The following MKLN1 variants were observed in gnomAD, a reference collection of about 807,000 sequenced individuals.
The protein encoded by MKLN1 is muskelin.
MKLN1 carries 18 observed loss-of-function variants against 99.0 expected under a neutral mutation model. That is an observed-to-expected ratio of 0.18 (90% CI 0.13 to 0.27). MKLN1 has a LOEUF of 0.27. Ranked by LOEUF, MKLN1 falls within the 10% of genes least tolerant of loss-of-function variation. MKLN1 has a pLI of 1.00. For synonymous variants in MKLN1, 288 were observed against 293.2 expected (o/e 0.98, Z 0.18); for missense variants, 621 against 875.9 (o/e 0.71, Z 3.67).
chr7:131,461,279 AT>A (rs1484216272), intron 12 of MKLN1, among the ~76,000 whole-genome samples: 2 of 151,296 alleles, frequency 1.3e-5, no homozygotes, highest in Non-Finnish European at 2.9e-5. Flanking sequence ...AATACTTTAA[AT>A]TTGTAGTGGT....
chr7:131,199,812 G>A lies in MKLN1; in HGVS notation c.-296-3045G>A, dbSNP rs533008738. Among the ~76,000 whole-genome samples, 3 of 152,232 alleles carry A rather than the reference G, an allele frequency of 2.0e-5. No individual in the cohort carries two copies. The South Asian group carries it at 6.2e-4, about 32-fold the overall frequency. On this transcript the variant is annotated intron_variant, in intron 2 of 7. Coordinates refer to the MKLN1 transcript ENST00000416992. ...GGGTTCAAGTGATTCTCGTGTCTCA[G>A]CCTCCCAAGTAGCTGGGACTACAGG...
intron 2 of MKLN1, among the ~76,000 whole-genome samples, chr7:131,145,868 C>T (rs1022897680): frequency 7.9e-5 from 12 of 152,158 alleles, no homozygotes; most frequent in South Asian, 2.1e-4. Context: ...CCCTGGTGCC[C>T]GGAAGTGGGG....
intron 3 of MKLN1, among the ~76,000 whole-genome samples, chr7:131,220,697 G>A (rs939218935): frequency 2.0e-5 from 3 of 152,172 alleles, no homozygotes; most frequent in Admixed American, 1.3e-4. Context: ...CTCTGTGGGG[G>A]GTCTTCAAAT....
chr7:131,181,347 T>A (rs754918942), intron 2 of MKLN1, among the ~76,000 whole-genome samples: 1 of 152,208 alleles, frequency 6.6e-6, no homozygotes, highest in African/African-American at 2.4e-5. Flanking sequence ...TGTTATCAGG[T>A]TTAAACATTA....
At chr7:131,179,709 G>A (rs1796351889) in intron 2 of MKLN1, among the ~76,000 whole-genome samples, 1 of 151,832 alleles carries the variant, frequency 6.6e-6, no homozygotes, top group Non-Finnish European at 1.5e-5. Context: ...CGAGTAGCTG[G>A]GACTACAGGT....
At chr7:131,252,188 T>A (rs1427901974) in intron 3 of MKLN1, among the ~76,000 whole-genome samples, 1 of 152,066 alleles carries the variant, frequency 6.6e-6, no homozygotes, top group Non-Finnish European at 1.5e-5. Context: ...GACAGATACC[T>A]CACAGATGCA....
At chr7:131,456,960 A>G (rs1231342481) in intron 12 of MKLN1, among the ~76,000 whole-genome samples, 1 of 152,132 alleles carries the variant, frequency 6.6e-6, no homozygotes, top group African/African-American at 2.4e-5. Context: ...GTAAACTTAT[A>G]CATGATGTAA....
chr7:131,406,243 C>T (rs1446661163), intron 6 of MKLN1, among the ~76,000 whole-genome samples: 1 of 151,658 alleles, frequency 6.6e-6, no homozygotes, highest in Non-Finnish European at 1.5e-5. Context: ...CTTTTATTTT[C>T]AACCTTTATC....
At chr7:131,217,281 G>A (rs1796996539) in intron 3 of MKLN1, among the ~76,000 whole-genome samples, 1 of 152,170 alleles carries the variant, frequency 6.6e-6, no homozygotes, top group Non-Finnish European at 1.5e-5. Context: ...ATACAAATAT[G>A]TATTGAGTTC....
At chr7:131,174,163 G>C (rs1438784294) in intron 2 of MKLN1, among the ~76,000 whole-genome samples, 1 of 151,862 alleles carries the variant, frequency 6.6e-6, no homozygotes, top group Non-Finnish European at 1.5e-5. Flanking sequence ...TAGTAGAGAC[G>C]GGGTTTCACT....
intron 2 of MKLN1, among the ~76,000 whole-genome samples, chr7:131,164,688 C>G (rs545079080): frequency 3.9e-5 from 6 of 152,300 alleles, no homozygotes; most frequent in African/African-American, 1.4e-4. Flanking sequence ...TTTAGTCACT[C>G]TTCCATAAAA....
intron 3 of MKLN1, among the ~76,000 whole-genome samples, chr7:131,236,414 A>C (rs1287612988): frequency 1.3e-5 from 2 of 152,330 alleles, no homozygotes; most frequent in South Asian, 2.1e-4. Flanking sequence ...TAATCTCAGC[A>C]CTTTGGAAGG....
chr7:131,486,356 G>T (rs577382754), intron 17 of MKLN1, among the ~76,000 whole-genome samples: 1 of 151,764 alleles, frequency 6.6e-6, no homozygotes, highest in African/African-American at 2.4e-5. Context: ...TCATTTCCAT[G>T]ATCCGATAGT....
chr7:131,256,623 T>A (rs989552897), intron 3 of MKLN1, among the ~76,000 whole-genome samples: 2 of 152,182 alleles, frequency 1.3e-5, no homozygotes, highest in Non-Finnish European at 2.9e-5. Flanking sequence ...AGTCGGTACA[T>A]CTATGAGAAA....
intron 3 of MKLN1, among the ~76,000 whole-genome samples, chr7:131,298,724 A>T (rs879184582): frequency 6.6e-6 from 1 of 152,126 alleles, no homozygotes; most frequent in Admixed American, 6.5e-5. Flanking sequence ...TCTTGTACCT[A>T]GATTTGTTGC....
At chr7:131,362,632 T>C (rs1800064133) in intron 1 of MKLN1, among the ~76,000 whole-genome samples, 1 of 152,088 alleles carries the variant, frequency 6.6e-6, no homozygotes, top group African/African-American at 2.4e-5. Flanking sequence ...TCCAATTATG[T>C]TACGTTATAG....
At chr7:131,424,133 T>C (rs1282474739) in intron 8 of MKLN1, among the ~76,000 whole-genome samples, 1 of 152,204 alleles carries the variant, frequency 6.6e-6, no homozygotes, top group Non-Finnish European at 1.5e-5. Flanking sequence ...TTACTGAACT[T>C]CACTTTTAGA....
chr7:131,357,072 G>A (rs557643417), intron 1 of MKLN1, among the ~76,000 whole-genome samples: 2 of 152,172 alleles, frequency 1.3e-5, no homozygotes, highest in Non-Finnish European at 2.9e-5. Flanking sequence ...CATATGCTCT[G>A]TTTCTTAGAA....
intron 1 of MKLN1, among the ~76,000 whole-genome samples, chr7:131,336,001 CT>C (rs1466785997): frequency 2.0e-5 from 3 of 149,020 alleles, no homozygotes; most frequent in African/African-American, 7.4e-5. Flanking sequence ...TTTTTTTTGC[CT>C]TTTTTTCTAT....
Sources: allele counts gnomAD v4.1 joint callset (sites outside exome capture counted in the v4.1 genomes callset), GRCh38; gene constraint gnomAD v4.1.1; transcripts MANE v1.5; gene names NCBI Gene and HGNC (gene_info 2026-07-23, HGNC 2026-07-21).